SPICE1: variants seen among roughly 807,000 people sequenced by gnomAD.
The protein encoded by SPICE1 is spindle and centriole-associated protein 1.
Under a neutral mutation model 102.7 loss-of-function variants are expected in SPICE1, and 75 were observed. The observed-to-expected ratio is 0.73, with a 90% CI of 0.61 to 0.88. The LOEUF (loss-of-function observed/expected upper bound fraction) is 0.88, where lower values mean the gene tolerates loss of function less well. Ranked by LOEUF, SPICE1 falls within the 40% of genes least tolerant of loss-of-function variation. The pLI is 0.00. For synonymous variants in SPICE1, 308 were observed against 350.3 expected, an observed-to-expected ratio of 0.88 and a Z score of 1.35; for missense variants, 979 against 1,020.1, an observed-to-expected ratio of 0.96 and a Z score of 0.55.
At chr3:113,472,946 G>C (rs1576632056) in intron 7 of SPICE1, among the ~76,000 whole-genome samples, 1 of 152,206 alleles carries the variant, frequency 6.6e-6, no homozygotes, top group African/African-American at 2.4e-5. Context: ...AAATGACTTT[G>C]ACGAGTTGAG....
At chr3:113,464,067 C>G (rs1479558703) in intron 11 of SPICE1, among the ~76,000 whole-genome samples, 1 of 130,038 alleles carries the variant, frequency 7.7e-6, no homozygotes, top group Non-Finnish European at 1.7e-5. Context: ...GACTCCGTCT[C>G]AAAAAAAAAA....
chr3:113,496,314 ACAAG>A (rs1936883972), intron 4 of SPICE1, among the ~76,000 whole-genome samples: 1 of 152,086 alleles, frequency 6.6e-6, no homozygotes, highest in African/African-American at 2.4e-5. Flanking sequence ...ACTGATCTCT[ACAAG>A]CCTAACTCTA....
At chr3:113,446,713 C>CAAT (rs1559954933) in intron 16 of SPICE1, 37 bp from the exon 17 acceptor site, 2 of 1,484,562 alleles carry the variant, frequency 1.3e-6, no homozygotes, top group Non-Finnish European at 9.4e-7. Context: ...AGAGAGTGAG[C>CAAT]TATCATTATT....
At chr3:113,450,299 A>G (rs368420711) in intron 15 of SPICE1, 37 bp downstream of exon 15, 137 of 1,612,112 alleles carry the variant, frequency 8.5e-5, no homozygotes, top group Non-Finnish European at 1.1e-4. Context: ...GAAAACCTTC[A>G]TATTTCTAGT....
intron 1 of SPICE1, 66 bp from the exon 2 acceptor site, chr3:113,506,671 G>A: frequency 1.6e-6 from 2 of 1,272,508 alleles, no homozygotes; most frequent in East Asian, 2.4e-5. Flanking sequence ...ACCAGAGTGG[G>A]GGAAGACACC....
At chr3:113,472,284 T>C (rs1360579374) in intron 7 of SPICE1, among the ~76,000 whole-genome samples, 3 of 152,172 alleles carry the variant, frequency 2.0e-5, no homozygotes, top group East Asian at 1.9e-4. Flanking sequence ...AGCCGGGAAG[T>C]TCCAACTGGG....
intron 6 of SPICE1, among the ~76,000 whole-genome samples, chr3:113,492,065 A>G (rs1346810832): frequency 6.6e-6 from 1 of 152,240 alleles, no homozygotes; most frequent in Non-Finnish European, 1.5e-5. Flanking sequence ...TAAAAGTAAA[A>G]TCTTCAGTTG....
At chr3:113,498,176 G>A (rs1178916942) in intron 4 of SPICE1, among the ~76,000 whole-genome samples, 1 of 152,072 alleles carries the variant, frequency 6.6e-6, no homozygotes, top group Non-Finnish European at 1.5e-5. Flanking sequence ...ACACCCAGCT[G>A]TTATATATTT....
intron 7 of SPICE1, among the ~76,000 whole-genome samples, chr3:113,477,966 CG>C (rs1936401221): frequency 6.9e-6 from 1 of 144,628 alleles, no homozygotes; most frequent in African/African-American, 2.6e-5. Context: ...AAGAATCTGC[CG>C]AAAAAAAAGC....
In SPICE1 at chr3:113,468,185, A is replaced by C; in HGVS notation, c.1109T>G (p.Leu370Trp). The C allele has an allele frequency of 6.2e-7, 1 of 1,614,186 alleles. No homozygotes were observed. The highest frequency in any genetic ancestry group is 1.6e-4 in the Middle Eastern group (1 of 6,062). Residue 370 changes from leucine to tryptophan, a missense_variant, in exon 10 of 18, where the codon TTG becomes TGG. Coordinates refer to ENST00000295872, the MANE Select transcript of SPICE1 (RefSeq NM_144718.4). ...QSSQGLTGFT[L>W]SLVSSLCRLV... is the part of the protein sequence containing the mutation. ...GCGACAGAGGGAGCTCACCAGCGAC[A>C]AAGTGAAGCCTGTAAGACCCTGACT...
chr3:113,462,450 G>A (rs1935953553), intron 11 of SPICE1, among the ~76,000 whole-genome samples: 1 of 152,178 alleles, frequency 6.6e-6, no homozygotes, highest in Admixed American at 6.5e-5. Context: ...TTTTGAGGAT[G>A]TCAAATCTTC....
At chr3:113,445,645 G>A (rs1355745483) in intron 17 of SPICE1, among the ~76,000 whole-genome samples, 1 of 152,076 alleles carries the variant, frequency 6.6e-6, no homozygotes, top group East Asian at 1.9e-4. Context: ...TGATAAAAAG[G>A]CAGTTATTTG....
chr3:113,486,550 AC>A (rs1397932677), intron 7 of SPICE1, among the ~76,000 whole-genome samples: 1 of 151,692 alleles, frequency 6.6e-6, no homozygotes, highest in Non-Finnish European at 1.5e-5. Context: ...CAGTACATTC[AC>A]ACAATTTAGT....
At chr3:113,492,526 C>T (rs549835555) in intron 6 of SPICE1, among the ~76,000 whole-genome samples, 6 of 152,236 alleles carry the variant, frequency 3.9e-5, no homozygotes, top group African/African-American at 1.4e-4. Flanking sequence ...TACTGTAATA[C>T]AATTCTCCCA....
Position 113,496,806 on chromosome 3 carries a change from T to C in SPICE1, c.291+2633A>G, listed in dbSNP as rs143106955. 6.6e-3 allele frequency among the ~76,000 whole-genome samples: 1,011 copies of C among 152,336 alleles called. 11 individuals are homozygous for C. Among genetic ancestry groups the C allele is most frequent in the Middle Eastern group, 0.014 (4 of 294 alleles). Reference sequence around the variant, plus strand: ...CCCTTAAACAGAGACGTTGCAAATTTACCAACATTGAAATAAAAGATGCAC... The same window carrying C: ...CCCTTAAACAGAGACGTTGCAAATTCACCAACATTGAAATAAAAGATGCAC... On this transcript the variant is annotated intron_variant, in intron 4 of 17. Coordinates refer to ENST00000295872, the MANE Select transcript of SPICE1 (RefSeq NM_144718.4).
chr3:113,473,155 C>T (rs1364905180), intron 7 of SPICE1, among the ~76,000 whole-genome samples: 1 of 152,078 alleles, frequency 6.6e-6, no homozygotes, highest in Non-Finnish European at 1.5e-5. Flanking sequence ...GCCTCAGGAG[C>T]TAATGCGATC....
chr3:113,470,123 C>T (rs1427860374), intron 7 of SPICE1, among the ~76,000 whole-genome samples: 1 of 152,194 alleles, frequency 6.6e-6, no homozygotes, highest in Non-Finnish European at 1.5e-5. Context: ...TCTCATTTGT[C>T]TATTTCTCAA....
rs372193588 is a variant in SPICE1, at chr3:113,506,480, A to G, written c.99+27T>C. ...GTCCATTTCTCCAGAGTAATGTTAC[A>G]TTATTTACTATCCCACCTATACTCA... On this transcript the variant is annotated intron_variant, in intron 2 of 17. Transcript: ENST00000295872. 27 of 1,550,314 alleles carry G rather than the reference A, an allele frequency of 1.7e-5. No homozygotes were observed. In the East Asian group the frequency reaches 1.8e-4, roughly 10 times the overall value.
At chr3:113,501,820 C>T (rs1190220609) in intron 3 of SPICE1, among the ~76,000 whole-genome samples, 2 of 152,142 alleles carry the variant, frequency 1.3e-5, no homozygotes, top group Non-Finnish European at 2.9e-5. Context: ...AATGGTGCAG[C>T]CACTTCATAG....
Sources: allele counts gnomAD v4.1 joint callset (sites outside exome capture counted in the v4.1 genomes callset), GRCh38; gene constraint gnomAD v4.1.1; transcripts MANE v1.5; gene names NCBI Gene and HGNC (gene_info 2026-07-23, HGNC 2026-07-21).